TALDO1: variants seen among roughly 807,000 people sequenced by gnomAD.
TALDO1 encodes the protein transaldolase 1, also known as transaldolase.
In TALDO1, 29 loss-of-function variants were observed where a neutral mutation model predicts 38.1. The observed-to-expected ratio is 0.76, with a 90% CI of 0.57 to 1.04. The LOEUF is 1.04. TALDO1 is among the 50% of genes least tolerant of loss of function. TALDO1 has a pLI of 0.00. For missense variants in TALDO1, 499 were observed against 438.1 expected (o/e 1.14, Z -1.24); for synonymous variants, 207 against 176.8 (o/e 1.17, Z -1.36).
chr11:760,205 G>T lies in TALDO1; in HGVS notation c.413G>T (p.Arg138Leu). 6.8e-6 allele frequency: 11 copies of T among 1,614,196 alleles called. No individual in the cohort carries two copies. The highest frequency in any genetic ancestry group is 9.3e-6 in the Non-Finnish European group (11 of 1,180,032). Reference protein sequence around the residue: ...LYKEAGISKDRILIKLSSTWE... With the variant: ...LYKEAGISKDLILIKLSSTWE... ...AAGGAAGCTGGGATCAGCAAGGACC[G>T]AATTCTTATAAAGCTGTCATCAACC... The change falls in exon 4 of 8, where the codon CGA becomes CTA. Residue 138 changes from arginine (R) to leucine (L), a missense_variant. Arg to Leu is a moderately radical substitution (Grantham distance 102). Coordinates refer to ENST00000319006, the MANE Select transcript of TALDO1 (RefSeq NM_006755.2).
At chr11:756,977 A>G (rs1329796208) in intron 2 of TALDO1, among the ~76,000 whole-genome samples, 1 of 152,198 alleles carries the variant, frequency 6.6e-6, no homozygotes, top group Non-Finnish European at 1.5e-5. Context: ...TCAGGGTAAT[A>G]ATTCAAAGCT....
intron 7 of TALDO1, 49 bp downstream of exon 7, chr11:764,482 CGGGCCT>C (rs778532550): frequency 1.3e-6 from 2 of 1,595,132 alleles, no homozygotes; most frequent in Non-Finnish European, 1.7e-6. Context: ...TATGAGAGCC[CGGGCCT>C]GGGCGTCGGG....
intron 4 of TALDO1, 78 bp from the exon 5 acceptor site, chr11:763,266 G>GTCCCCGCCCTCACCCA (rs1862980356): frequency 3.1e-5 from 4 of 128,298 alleles, no homozygotes; most frequent in Non-Finnish European, 5.6e-5. Context: ...CGCCCTCACC[G>GTCCCCGCCCTCACCCA]TCCCCGCCCT....
rs1041559857 is a variant in TALDO1 at position 764,465 on chromosome 11, C to T, written c.981+32C>T. The T allele has an allele frequency of 5.0e-6, 8 of 1,611,168 alleles. No homozygotes were observed. In the Admixed American group the frequency reaches 6.7e-5, roughly 14 times the overall value. On this transcript the variant is annotated intron_variant, in intron 7 of 7. Transcript: ENST00000319006. ...GTTGTGTGTGGGTACCTACATATGC[C>T]AAGCCCTATGAGAGCCCGGGCCTGG...
chr11:763,545 G>A (rs1015349034), intron 5 of TALDO1, 26 bp downstream of exon 5: 1 of 1,613,410 alleles, frequency 6.2e-7, no homozygotes, highest in South Asian at 1.1e-5. Context: ...TGGTAATGGG[G>A]TAAGGGGAGC....
At position 764,929 on chromosome 11, in the gene TALDO1, T is replaced by C. The variant is rs1174229378; in HGVS notation, c.*84T>C. 22 of 1,582,944 alleles carry C rather than the reference T, an allele frequency of 1.4e-5. No homozygotes were observed. Among genetic ancestry groups the C allele is most frequent in the Non-Finnish European group, 1.9e-5 (22 of 1,153,412 alleles). Reference sequence around the variant, plus strand: ...CGTGGCTTCTGATGAATCTTGCGTTTTTTACAAATTGGAGCAGGGACAGAT... The same window carrying C: ...CGTGGCTTCTGATGAATCTTGCGTTCTTTACAAATTGGAGCAGGGACAGAT... On this transcript the variant is annotated 3_prime_UTR_variant, in exon 8 of 8. Transcript: ENST00000319006.
intron 2 of TALDO1, among the ~76,000 whole-genome samples, chr11:758,165 T>C (rs1003597809): frequency 6.6e-6 from 1 of 152,114 alleles, no homozygotes; most frequent in Non-Finnish European, 1.5e-5. Flanking sequence ...GCGCCTGTAG[T>C]CCCAGCTACT....
chr11:756,733 G>T (rs534515282), intron 2 of TALDO1, among the ~76,000 whole-genome samples: 1 of 152,076 alleles, frequency 6.6e-6, no homozygotes, highest in African/African-American at 2.4e-5. Context: ...GGCCAGGCCG[G>T]TCTCGAACTT....
At chr11:764,762 G>A (rs371992093) in intron 7 of TALDO1, 51 bp from the exon 8 acceptor site, 1 of 1,613,888 alleles carries the variant, frequency 6.2e-7, no homozygotes, top group East Asian at 2.2e-5. Context: ...GAGGCTTCAA[G>A]GTGCAGAAGG....
intron 2 of TALDO1, among the ~76,000 whole-genome samples, chr11:757,961 ACT>A (rs1403954754): frequency 6.6e-6 from 1 of 151,998 alleles, no homozygotes; most frequent in Non-Finnish European, 1.5e-5. Flanking sequence ...ATAGGGCAAA[ACT>A]CTGTCTCTAC....
chr11:760,379 A>G, intron 4 of TALDO1, 126 bp downstream of exon 4: 1 of 1,439,688 alleles, frequency 6.9e-7, no homozygotes, highest in Admixed American at 1.8e-5. Context: ...AGCACAGCCC[A>G]CAGCTTGGAC....
chr11:759,140 C>A, intron 3 of TALDO1, 83 bp downstream of exon 3: 1 of 1,177,482 alleles, frequency 8.5e-7, no homozygotes, highest in Non-Finnish European at 1.3e-6. Flanking sequence ...GGTCAAGGGG[C>A]TGCTCCACCC....
intron 1 of TALDO1, among the ~76,000 whole-genome samples, chr11:749,443 A>AT (rs893196105): frequency 1.5e-3 from 234 of 151,128 alleles, no homozygotes; most frequent in African/African-American, 5.4e-3. Flanking sequence ...AAGTTGTGAC[A>AT]TTTTTTTTTA....
chr11:763,757 T>C lies in TALDO1; in HGVS notation c.648T>C (p.Ser216=), dbSNP rs1349460609. The C allele has an allele frequency of 1.2e-6, 2 of 1,613,554 alleles. No individual in the cohort carries two copies. The highest frequency in any genetic ancestry group is 1.7e-6 in the Non-Finnish European group (2 of 1,179,972). ...YEPLEDPGVK[S]VTKIYNYYKK... ...TTGGTCTCTTTCCAGGGGTAAAGAG[T>C]GTCACTAAAATCTACAACTACTACA... Residue 216 remains serine, a synonymous_variant, in exon 6 of 8, where the codon AGT becomes AGC. Transcript: ENST00000319006.
intron 1 of TALDO1, among the ~76,000 whole-genome samples, chr11:750,983 T>C (rs1184948503): frequency 2.6e-5 from 4 of 152,210 alleles, no homozygotes; most frequent in Non-Finnish European, 5.9e-5. Context: ...ATTCCTAGCT[T>C]GGTTATGTGA....
chr11:758,915 GCT>G (rs1862887535), intron 2 of TALDO1, 33 bp from the exon 3 acceptor site: 1 of 1,579,426 alleles, frequency 6.3e-7, no homozygotes, highest in Non-Finnish European at 8.6e-7. Flanking sequence ...AACCTCAGAA[GCT>G]TCTAACCTGC....
At chr11:764,086 G>A (rs1863007566) in intron 6 of TALDO1, 142 bp downstream of exon 6, 2 of 1,342,720 alleles carry the variant, frequency 1.5e-6, no homozygotes, top group Non-Finnish European at 2.1e-6. Context: ...TCAACGGAGG[G>A]CTTGGCTTTC....
At chr11:762,470 T>C (rs1409504883) in intron 4 of TALDO1, among the ~76,000 whole-genome samples, 1 of 152,206 alleles carries the variant, frequency 6.6e-6, no homozygotes, top group Non-Finnish European at 1.5e-5. Context: ...TGAACACAGA[T>C]GTGCAAGTTT....
Position 764,829 on chromosome 11 carries a change from C to CAGAGA in TALDO1, c.1000_1004dup (p.Asn335LysfsTer29), listed in dbSNP as rs1339993677. On this transcript the variant is annotated frameshift_variant, in exon 8 of 8. Coordinates refer to ENST00000319006, the MANE Select transcript of TALDO1 (RefSeq NM_006755.2). LOFTEE classifies it high-confidence loss of function. ...TGTTTCTAGGAACGAATGTTCAATGCAGAGAATGGAAAGTAGCGCATCCCT... is the reference window on the plus strand; with the variant it reads ...TGTTTCTAGGAACGAATGTTCAATGCAGAGAAGAGAATGGAAAGTAGCGCATCCCT... The CAGAGA allele has an allele frequency of 1.2e-6, 2 of 1,614,060 alleles. No individual in the cohort carries two copies. The highest frequency in any genetic ancestry group is 2.2e-5 in the South Asian group (2 of 91,092).
Sources: allele counts gnomAD v4.1 joint callset (sites outside exome capture counted in the v4.1 genomes callset), GRCh38; gene constraint gnomAD v4.1.1; transcripts MANE v1.5; gene names NCBI Gene and HGNC (gene_info 2026-07-23, HGNC 2026-07-21).